FAM227B: variants seen among roughly 807,000 people sequenced by gnomAD.
FAM227B encodes the protein protein FAM227B.
FAM227B carries 88 observed loss-of-function variants against 73.8 expected under a neutral mutation model. The observed-to-expected ratio is 1.19, with a 90% confidence interval of 1.00 to 1.42. The LOEUF is 1.42. Among genes scored for constraint, FAM227B ranks in the 40% most tolerant of loss-of-function variants. The pLI, the probability that FAM227B is intolerant of heterozygous loss-of-function variation, is 0.00. For synonymous variants in FAM227B, 210 were observed against 190.5 expected (o/e 1.10, Z -0.84); for missense variants, 632 against 590.9 (o/e 1.07, Z -0.72).
intron 4 of FAM227B, among the ~76,000 whole-genome samples, chr15:49,588,349 T>C (rs1281606418): frequency 1.3e-5 from 2 of 151,076 alleles, no homozygotes; most frequent in East Asian, 3.9e-4. Flanking sequence ...GTCTAAACTT[T>C]TATGTCAATC....
intron 11 of FAM227B, among the ~76,000 whole-genome samples, chr15:49,479,526 T>G (rs536151932): frequency 6.6e-6 from 1 of 151,982 alleles, no homozygotes; most frequent in East Asian, 1.9e-4. Flanking sequence ...ATATTACATA[T>G]TTTTCTATTA....
intron 11 of FAM227B, chr15:49,424,381 A>G (rs373498840): frequency 6.2e-7 from 1 of 1,613,676 alleles, no homozygotes; most frequent in East Asian, 2.2e-5. Flanking sequence ...TGGGTACTAT[A>G]TCTTTAGCTT....
At chr15:49,495,700 T>C (rs1463050711) in intron 11 of FAM227B, among the ~76,000 whole-genome samples, 1 of 152,128 alleles carries the variant, frequency 6.6e-6, no homozygotes, top group African/African-American at 2.4e-5. Flanking sequence ...GCATTGCTAA[T>C]AGTGAAGAGG....
chr15:49,536,029 T>G (rs1441919544), intron 10 of FAM227B, among the ~76,000 whole-genome samples: 5 of 146,686 alleles, frequency 3.4e-5, no homozygotes, highest in African/African-American at 1.0e-4. Context: ...TCTTTGCATT[T>G]CTCTTTAACA....
At chr15:49,609,878 A>G (rs901104180) in intron 3 of FAM227B, among the ~76,000 whole-genome samples, 3 of 152,002 alleles carry the variant, frequency 2.0e-5, no homozygotes, top group African/African-American at 7.2e-5. Context: ...TGACAAAATG[A>G]TACAGATGGA....
chr15:49,438,046 T>C (rs2051275346), intron 11 of FAM227B, among the ~76,000 whole-genome samples: 2 of 151,534 alleles, frequency 1.3e-5, no homozygotes, highest in African/African-American at 4.8e-5. Flanking sequence ...AAATAGTACA[T>C]GAAGAAAAAG....
At chr15:49,383,305 C>G (rs905732906) in intron 11 of FAM227B, among the ~76,000 whole-genome samples, 10 of 152,100 alleles carry the variant, frequency 6.6e-5, no homozygotes, top group African/African-American at 2.4e-4. Flanking sequence ...TCACGGAACT[C>G]TGTGTAGAGC....
chr15:49,467,083 G>A (rs1026904081), intron 11 of FAM227B, among the ~76,000 whole-genome samples: 1 of 152,108 alleles, frequency 6.6e-6, no homozygotes, highest in African/African-American at 2.4e-5. Context: ...GTTAAAGAGG[G>A]AGGGAAGAAA....
At chr15:49,583,575 C>A (rs1460047507) in intron 5 of FAM227B, among the ~76,000 whole-genome samples, 8 of 151,588 alleles carry the variant, frequency 5.3e-5, no homozygotes, top group Non-Finnish European at 8.8e-5. Flanking sequence ...GGGTAACCAG[C>A]AGCCCTTGGG....
chr15:49,372,165 TTTATAAATAAATGAAATAAAATTCAC>T (rs2045883885), intron 11 of FAM227B, among the ~76,000 whole-genome samples: 82 of 52,104 alleles, frequency 1.6e-3, no homozygotes, highest in African/African-American at 6.7e-3. Context: ...ATAAAATTCA[TTTATAAATAAATGAAATAAAATTCAC>T]TTATAAATAA....
At chr15:49,465,478 T>C (rs2054186230) in intron 11 of FAM227B, among the ~76,000 whole-genome samples, 1 of 152,194 alleles carries the variant, frequency 6.6e-6, no homozygotes, top group African/African-American at 2.4e-5. Context: ...GATAGATAAA[T>C]AGATATGCTA....
intron 11 of FAM227B, among the ~76,000 whole-genome samples, chr15:49,493,084 C>T (rs2057262952): frequency 2.0e-5 from 3 of 151,842 alleles, no homozygotes; most frequent in Admixed American, 1.3e-4. Context: ...CTCTTCTTAC[C>T]TAATGTCCCT....
chr15:49,333,323 A>G (rs2039136880), intron 14 of FAM227B, among the ~76,000 whole-genome samples: 1 of 152,192 alleles, frequency 6.6e-6, no homozygotes, highest in African/African-American at 2.4e-5. Context: ...AAGCTCATAC[A>G]TTGTGCCTAT....
intron 13 of FAM227B, among the ~76,000 whole-genome samples, chr15:49,358,793 C>G (rs2151380649): frequency 6.6e-6 from 1 of 152,182 alleles, no homozygotes; most frequent in East Asian, 1.9e-4. Flanking sequence ...AAACTTAAGC[C>G]AGAAGAACAA....
intron 9 of FAM227B, among the ~76,000 whole-genome samples, chr15:49,565,645 T>C (rs1254012651): frequency 6.6e-6 from 1 of 152,196 alleles, no homozygotes; most frequent in Non-Finnish European, 1.5e-5. Flanking sequence ...ATAGACTGAA[T>C]ACTGGTGCAA....
chr15:49,331,124 C>G (rs376999122), intron 15 of FAM227B: 37 of 152,346 alleles, frequency 2.4e-4, no homozygotes, highest in African/African-American at 8.7e-4. Flanking sequence ...TGGGATTGCT[C>G]TAGATTTTTG....
At chr15:49,392,951 T>G (rs1455191755) in intron 11 of FAM227B, among the ~76,000 whole-genome samples, 3 of 152,158 alleles carry the variant, frequency 2.0e-5, no homozygotes, top group African/African-American at 4.8e-5. Flanking sequence ...TTGAAACTTT[T>G]TGTTAACTGA....
At chr15:49,424,725 T>C (rs971786084) in intron 11 of FAM227B, 2 of 610,404 alleles carry the variant, frequency 3.3e-6, no homozygotes, top group Non-Finnish European at 5.4e-6. Flanking sequence ...AATTGAACTA[T>C]GTTGAACTAT....
At chr15:49,348,440 A>G (rs2041830397) in intron 13 of FAM227B, among the ~76,000 whole-genome samples, 1 of 152,192 alleles carries the variant, frequency 6.6e-6, no homozygotes, top group South Asian at 2.1e-4. Context: ...AAAAAACAGA[A>G]AACAGACACA....
Sources: gnomAD v4.1 joint callset for allele counts (sites outside exome capture counted in the v4.1 genomes callset) on GRCh38, gnomAD v4.1.1 for gene constraint, MANE v1.5 for transcripts, NCBI Gene and HGNC (gene_info 2026-07-23, HGNC 2026-07-21) for gene names.